The following SHISA9 variants were observed in gnomAD, a reference collection of about 807,000 sequenced individuals.
SHISA9 encodes protein shisa-9.
Under a neutral mutation model 38.0 loss-of-function variants are expected in SHISA9, and 13 were observed. The observed-to-expected ratio is 0.34, with a 90% CI of 0.22 to 0.54. The LOEUF (loss-of-function observed/expected upper bound fraction) is 0.54. SHISA9 is among the 20% of genes least tolerant of loss of function. The pLI is 0.91. For missense variants in SHISA9, 538 were observed against 575.8 expected (o/e 0.93, Z 0.67); for synonymous variants, 275 against 242.0 (o/e 1.14, Z -1.27).
At chr16:13,234,192 A>G (rs915988869) in intron 4 of SHISA9, among the ~76,000 whole-genome samples, 2 of 152,200 alleles carry the variant, frequency 1.3e-5, no homozygotes, top group Admixed American at 1.3e-4. Context: ...GTTCCACTCA[A>G]TGAAATACTA....
chr16:13,082,656 A>G (rs1273728603), intron 2 of SHISA9: 1 of 152,216 alleles, frequency 6.6e-6, no homozygotes, highest in African/African-American at 2.4e-5. Context: ...CCATATGGCT[A>G]AGATTGGTGT....
chr16:12,902,628 G>A lies in SHISA9; in HGVS notation c.563+1G>A. The A allele has an allele frequency of 1.3e-6, 2 of 1,541,482 alleles. No homozygotes were observed. Among genetic ancestry groups the A allele is most frequent in the Non-Finnish European group, 1.8e-6 (2 of 1,141,886 alleles). The stretch of plus-strand genomic sequence containing the variant: ...GGCCCCAAAGGGAGCACATGTCCAG[G>A]TGGGCTGCCTCCCCTTCGCCCTCCC... On this transcript the variant is annotated splice_donor_variant, in intron 1 of 4. Coordinates refer to ENST00000558583, the MANE Select transcript of SHISA9 (RefSeq NM_001145204.3). LOFTEE classifies it high-confidence loss of function.
chr16:13,063,095 C>T (rs556518328), intron 2 of SHISA9, among the ~76,000 whole-genome samples: 1 of 152,296 alleles, frequency 6.6e-6, no homozygotes, highest in African/African-American at 2.4e-5. Flanking sequence ...CAACCTCAGC[C>T]TCCCGGGATC....
At chr16:13,261,093 C>T in the SHISA9 span, among the ~76,000 whole-genome samples, 1 of 152,130 alleles carries the variant, frequency 6.6e-6, no homozygotes, top group African/African-American at 2.4e-5. Context: ...CTGGGTCCCT[C>T]CCACAACACT....
the SHISA9 span, among the ~76,000 whole-genome samples, chr16:13,491,729 A>T: frequency 6.8e-6 from 1 of 146,940 alleles, no homozygotes; most frequent in South Asian, 2.2e-4. Flanking sequence ...ATCTCAAGAG[A>T]TCCACCCGCC....
At chr16:13,434,071 G>C in the SHISA9 span, among the ~76,000 whole-genome samples, 1 of 152,202 alleles carries the variant, frequency 6.6e-6, no homozygotes, top group Non-Finnish European at 1.5e-5. Context: ...CAACAGTGCA[G>C]CCTTCAGTCT....
chr16:13,232,953 T>C (rs1203827494), intron 4 of SHISA9, among the ~76,000 whole-genome samples: 1 of 152,116 alleles, frequency 6.6e-6, no homozygotes, highest in Non-Finnish European at 1.5e-5. Context: ...GAAGAAAAAA[T>C]CTAGCTATGT....
At chr16:13,381,424 C>G in the SHISA9 span, among the ~76,000 whole-genome samples, 65 of 152,264 alleles carry the variant, frequency 4.3e-4, no homozygotes, top group African/African-American at 1.4e-3. Flanking sequence ...AATGAGGCAA[C>G]TCTCAACTCC....
chr16:13,017,466 G>T (rs1255571740), intron 2 of SHISA9, among the ~76,000 whole-genome samples: 1 of 152,136 alleles, frequency 6.6e-6, no homozygotes, highest in African/African-American at 2.4e-5. Flanking sequence ...TAAGCAATTT[G>T]CTGAAAGTCT....
In SHISA9 at chr16:13,151,251, CG is replaced by C. The variant is rs775493566; in HGVS notation, c.692-52142del. On this transcript the variant is annotated intron_variant, in intron 2 of 4. Coordinates refer to ENST00000558583, the MANE Select transcript of SHISA9 (RefSeq NM_001145204.3). ...CCTCCTGAGGAGCTGGGATTTCAGG[CG>C]CCCGCCACCACACCTGGCTAATTTT... 1.3e-3 allele frequency among the ~76,000 whole-genome samples: 193 copies of C among 152,270 alleles called. 1 individual carries two copies. In the Middle Eastern group the frequency reaches 0.017, roughly 13 times the overall value.
chr16:13,221,184 A>G (rs1304459730), intron 4 of SHISA9, among the ~76,000 whole-genome samples: 2 of 152,182 alleles, frequency 1.3e-5, no homozygotes, highest in African/African-American at 4.8e-5. Flanking sequence ...GGAGGGCCAG[A>G]TGCCCCGTGC....
intron 2 of SHISA9, among the ~76,000 whole-genome samples, chr16:13,109,255 G>A (rs1329482594): frequency 6.6e-6 from 1 of 151,916 alleles, no homozygotes; most frequent in African/African-American, 2.4e-5. Context: ...TGAACTCCTG[G>A]GCTCAAGCAA....
the SHISA9 span, among the ~76,000 whole-genome samples, chr16:13,321,779 G>A: frequency 6.6e-6 from 1 of 152,138 alleles, no homozygotes. Context: ...GACTCCAAAT[G>A]ACAATCATAA....
At chr16:13,409,214 C>T in the SHISA9 span, among the ~76,000 whole-genome samples, 1 of 152,212 alleles carries the variant, frequency 6.6e-6, no homozygotes. Flanking sequence ...CATCTTCCCA[C>T]TCCATCCCCC....
chr16:12,949,119 TC>T (rs1429893792), intron 2 of SHISA9, among the ~76,000 whole-genome samples: 1 of 152,194 alleles, frequency 6.6e-6, no homozygotes, highest in Non-Finnish European at 1.5e-5. Flanking sequence ...TACCCTTCTC[TC>T]CCTGTATTAA....
intron 2 of SHISA9, among the ~76,000 whole-genome samples, chr16:12,953,175 A>G (rs1253303354): frequency 1.5e-5 from 2 of 137,022 alleles, no homozygotes; most frequent in Non-Finnish European, 3.2e-5. Flanking sequence ...CCTTAAAAAA[A>G]AGTAAAAAAA....
the SHISA9 span, among the ~76,000 whole-genome samples, chr16:13,278,510 T>C: frequency 1.3e-5 from 2 of 152,062 alleles, no homozygotes; most frequent in African/African-American, 4.8e-5. Context: ...CGTCTTTGAA[T>C]GTCTGGCAGG....
chr16:12,916,593 G>A lies in SHISA9; in HGVS notation c.564-95G>A, dbSNP rs546144679. The stretch of plus-strand genomic sequence containing the variant: ...GAATGGTGGCTCCATGGAGTAATCC[G>A]CCTTGCCATTTGTTCGCGACTGCAG... On this transcript the variant is annotated intron_variant, in intron 1 of 4. Transcript: ENST00000558583. 3.6e-6 allele frequency: 5 copies of A among 1,398,288 alleles called. No individual in the cohort carries two copies. In the African/African-American group the frequency reaches 5.9e-5, roughly 16 times the overall value. 86.6% of individuals were successfully genotyped at this position (1,398,288 alleles called of 1,614,324 possible).
At chr16:13,465,304 T>C in the SHISA9 span, among the ~76,000 whole-genome samples, 3 of 152,214 alleles carry the variant, frequency 2.0e-5, no homozygotes, top group Non-Finnish European at 4.4e-5. Flanking sequence ...GGACTGCTGC[T>C]TTGAAGCACA....
Sources: gnomAD v4.1 joint callset for allele counts (sites outside exome capture counted in the v4.1 genomes callset) on GRCh38, gnomAD v4.1.1 for gene constraint, MANE v1.5 for transcripts, NCBI Gene and HGNC (gene_info 2026-07-23, HGNC 2026-07-21) for gene names.